Variants in CNTNAP2 observed in about 807,000 individuals in gnomAD.
CNTNAP2 encodes the protein contactin associated protein 2.
Under a neutral mutation model 155.2 loss-of-function variants are expected in CNTNAP2, and 98 were observed. The ratio of observed to expected loss-of-function variants is 0.63; its 90% CI spans 0.54 to 0.75. The LOEUF (loss-of-function observed/expected upper bound fraction) is 0.75, where lower values mean the gene tolerates loss of function less well. Among genes scored for constraint, CNTNAP2 ranks in the 30% least tolerant of loss-of-function variants. The pLI is 0.00. For synonymous variants in CNTNAP2, 651 were observed against 631.2 expected (o/e 1.03, Z -0.47); for missense variants, 1,727 against 1,688.1 (o/e 1.02, Z -0.40).
intron 1 of CNTNAP2, among the ~76,000 whole-genome samples, chr7:146,578,062 T>G (rs1276756674): frequency 1.3e-5 from 2 of 152,152 alleles, no homozygotes; most frequent in Non-Finnish European, 2.9e-5. Flanking sequence ...TATTAATTAT[T>G]CTAATAAAAT....
At chr7:147,474,295 A>G (rs1798277590) in intron 10 of CNTNAP2, among the ~76,000 whole-genome samples, 1 of 151,930 alleles carries the variant, frequency 6.6e-6, no homozygotes, top group Non-Finnish European at 1.5e-5. Flanking sequence ...CAGTTTTTTA[A>G]AAAGTGTGAC....
chr7:146,631,279 C>T (rs1563164237), intron 1 of CNTNAP2, among the ~76,000 whole-genome samples: 1 of 152,052 alleles, frequency 6.6e-6, no homozygotes, highest in Non-Finnish European at 1.5e-5. Context: ...GAAAGGAAAA[C>T]AAATATTTGA....
At chr7:147,139,609 C>T (rs1009685054) in intron 8 of CNTNAP2, among the ~76,000 whole-genome samples, 1 of 152,018 alleles carries the variant, frequency 6.6e-6, no homozygotes, top group Non-Finnish European at 1.5e-5. Context: ...CTACCTCCCT[C>T]ACCTTTTAAT....
chr7:147,100,756 T>G (rs550901141), intron 4 of CNTNAP2, among the ~76,000 whole-genome samples: 5 of 152,358 alleles, frequency 3.3e-5, no homozygotes, highest in African/African-American at 9.6e-5. Context: ...ATTCTCCTTT[T>G]GCCTTGTTTC....
intron 13 of CNTNAP2, among the ~76,000 whole-genome samples, chr7:147,706,444 A>T (rs1025284590): frequency 6.6e-6 from 1 of 151,900 alleles, no homozygotes; most frequent in African/African-American, 2.4e-5. Flanking sequence ...AGCACTTTCA[A>T]TATATCATCT....
chr7:146,925,203 T>C (rs970267732), intron 3 of CNTNAP2, among the ~76,000 whole-genome samples: 5 of 152,092 alleles, frequency 3.3e-5, no homozygotes, highest in African/African-American at 1.2e-4. Flanking sequence ...TTGAAGCAAA[T>C]GCAAAGATTA....
chr7:146,474,590 A>G (rs62503528), intron 1 of CNTNAP2, among the ~76,000 whole-genome samples: 15,670 of 151,962 alleles, frequency 0.1, 837 homozygotes, highest in African/African-American at 0.12. Context: ...TTGCCCAAAG[A>G]ATCATTATTG....
intron 1 of CNTNAP2, among the ~76,000 whole-genome samples, chr7:146,762,735 G>C (rs533274741): frequency 3.6e-4 from 55 of 152,314 alleles, no homozygotes; most frequent in African/African-American, 1.3e-3. Flanking sequence ...GGCTGGGGAG[G>C]CCTCATAATC....
At chr7:147,883,464 T>C (rs887141398) in intron 13 of CNTNAP2, among the ~76,000 whole-genome samples, 1 of 152,250 alleles carries the variant, frequency 6.6e-6, no homozygotes, top group Non-Finnish European at 1.5e-5. Context: ...TTATCACTTA[T>C]GGATGATGGC....
In CNTNAP2 at chr7:147,485,922, C is replaced by T. The variant is rs1563223080; in HGVS notation, c.1671-13C>T. On this transcript the variant is annotated splice_polypyrimidine_tract_variant and intron_variant, in intron 10 of 23. Transcript: ENST00000361727. Reference sequence around the variant, plus strand: ...TTTGTTGGTTTATTTCTGTTTGTCTCTCTCTCTGACAGATGTGTGCCCAAT... The same window carrying T: ...TTTGTTGGTTTATTTCTGTTTGTCTTTCTCTCTGACAGATGTGTGCCCAAT... 6.2e-7 allele frequency: 1 copy of T among 1,613,208 alleles called. No homozygotes were observed. Among genetic ancestry groups the T allele is most frequent in the Non-Finnish European group, 8.5e-7 (1 of 1,179,174 alleles).
At chr7:146,620,621 T>C (rs1449265652) in intron 1 of CNTNAP2, among the ~76,000 whole-genome samples, 1 of 152,180 alleles carries the variant, frequency 6.6e-6, no homozygotes, top group Non-Finnish European at 1.5e-5. Flanking sequence ...TTTTAAGTCC[T>C]TAAAGTTGGA....
Position 147,043,972 on chromosome 7 carries a change from C to A in CNTNAP2, c.468C>A (p.Ala156=), listed in dbSNP as rs747621697. 6.2e-7 allele frequency: 1 copy of A among 1,614,158 alleles called. No homozygotes were observed. Among genetic ancestry groups the A allele is most frequent in the East Asian group, 2.2e-5 (1 of 44,876 alleles). ...VRHELQHPII[A]RYVRIVPLDW... ...ACGAATTACAGCATCCGATTATTGC[C>A]CGCTATGTGCGCATAGTGCCTCTGG... The change falls in exon 4 of 24, where the codon GCC becomes GCA. Residue 156 remains alanine (A), a synonymous_variant. Transcript: ENST00000361727.
At chr7:147,852,514 C>T (rs557772195) in intron 13 of CNTNAP2, among the ~76,000 whole-genome samples, 7 of 152,188 alleles carry the variant, frequency 4.6e-5, no homozygotes, top group African/African-American at 1.4e-4. Context: ...ATTTCAAATA[C>T]GTTAAAATAA....
chr7:147,042,163 G>A (rs1300820614), intron 3 of CNTNAP2, among the ~76,000 whole-genome samples: 1 of 152,172 alleles, frequency 6.6e-6, no homozygotes, highest in African/African-American at 2.4e-5. Context: ...TTGTTTTATG[G>A]ATTACAGAAG....
chr7:148,099,114 G>A (rs546784491), intron 15 of CNTNAP2, among the ~76,000 whole-genome samples: 20 of 152,290 alleles, frequency 1.3e-4, no homozygotes, highest in African/African-American at 4.6e-4. Context: ...TGGAAGCGAC[G>A]AAACCCAGGT....
rs558232995 is a variant in CNTNAP2, at chr7:146,985,993, T to G, written c.403-57914T>G. Among the ~76,000 whole-genome samples, 18 of 152,294 alleles carry G rather than the reference T, an allele frequency of 1.2e-4. No homozygotes were observed. In the East Asian group the frequency reaches 3.3e-3, roughly 28 times the overall value. ...TTGGTAACACTTTAGGTTGCAATTT[T>G]TTTAATTTTAATTTTTTTTATTTCC... On this transcript the variant is annotated intron_variant, in intron 3 of 23. Coordinates refer to ENST00000361727, the MANE Select transcript of CNTNAP2 (RefSeq NM_014141.6).
chr7:146,300,263 A>T (rs1364635741), intron 1 of CNTNAP2, among the ~76,000 whole-genome samples: 2 of 152,242 alleles, frequency 1.3e-5, no homozygotes, highest in Non-Finnish European at 2.9e-5. Context: ...CATCACATTT[A>T]GTCCATAAAT....
At chr7:146,688,576 G>A (rs576268213) in intron 1 of CNTNAP2, among the ~76,000 whole-genome samples, 2 of 152,262 alleles carry the variant, frequency 1.3e-5, no homozygotes, top group African/African-American at 4.8e-5. Context: ...CCAGGAGAAG[G>A]AGTGTCACAA....
At chr7:146,774,891 C>CAATGTG (rs1352973695) in intron 2 of CNTNAP2, among the ~76,000 whole-genome samples, 1 of 152,102 alleles carries the variant, frequency 6.6e-6, no homozygotes, top group Non-Finnish European at 1.5e-5. Context: ...TGTGCAACTA[C>CAATGTG]AATGTGAGTT....
Sources: allele counts gnomAD v4.1 joint callset (sites outside exome capture counted in the v4.1 genomes callset), GRCh38; gene constraint gnomAD v4.1.1; transcripts MANE v1.5; gene names NCBI Gene and HGNC (gene_info 2026-07-23, HGNC 2026-07-21).